The following MYO16 variants were observed in gnomAD, a reference collection of about 807,000 sequenced individuals.
The protein encoded by MYO16 is unconventional myosin-XVI.
Under a neutral mutation model 205.3 loss-of-function variants are expected in MYO16, and 94 were observed. The observed-to-expected ratio is 0.46, with a 90% CI of 0.39 to 0.54. MYO16 has a LOEUF of 0.54. Ranked by LOEUF, MYO16 falls within the 20% of genes least tolerant of loss-of-function variation. The probability of loss-of-function intolerance (pLI) is 0.00; values close to 1 mark genes in which losing one functional copy is unlikely to be tolerated. For missense variants in MYO16, 2,315 were observed against 2,387.5 expected (o/e 0.97, Z 0.63); for synonymous variants, 988 against 954.0 (o/e 1.04, Z -0.66).
At chr13:108,993,269 C>T (rs1264717315) in intron 21 of MYO16, among the ~76,000 whole-genome samples, 3 of 152,090 alleles carry the variant, frequency 2.0e-5, no homozygotes, top group East Asian at 1.9e-4. Context: ...CTTTTAGTAG[C>T]GTCGATTTCT....
rs201462429 is a variant in MYO16 at position 108,699,129 on chromosome 13, CATAT to C, written c.293-13526_293-13523del. ...ATATATATGTGTGTGTGTATATACA[CATAT>C]ATATAGTTATTACATATATGCATAT... On this transcript the variant is annotated intron_variant, in intron 2 of 34. Coordinates refer to ENST00000457511, the MANE Select transcript of MYO16 (RefSeq NM_001198950.3). 9.7e-4 allele frequency among the ~76,000 whole-genome samples: 147 copies of C among 150,776 alleles called. 2 individuals are homozygous for C. The East Asian group carries it at 0.022, about 23-fold the overall frequency.
chr13:108,824,285 G>A (rs1382605281), intron 9 of MYO16, among the ~76,000 whole-genome samples: 1 of 152,038 alleles, frequency 6.6e-6, no homozygotes, highest in Non-Finnish European at 1.5e-5. Flanking sequence ...TGCATTAAAA[G>A]ATGTAAGACA....
intron 2 of MYO16, among the ~76,000 whole-genome samples, chr13:108,709,276 A>G (rs1301635645): frequency 6.6e-6 from 1 of 152,224 alleles, no homozygotes; most frequent in African/African-American, 2.4e-5. Context: ...TTTTGGATAA[A>G]GTATTTTAAC....
At chr13:108,710,601 T>C (rs1383923231) in intron 2 of MYO16, among the ~76,000 whole-genome samples, 2 of 152,212 alleles carry the variant, frequency 1.3e-5, no homozygotes, top group Admixed American at 1.3e-4. Flanking sequence ...CAAACCCCCA[T>C]GAAATGAGTA....
the MYO16 span, among the ~76,000 whole-genome samples, chr13:108,548,286 TG>T: frequency 8.0e-5 from 12 of 149,742 alleles, no homozygotes; most frequent in Non-Finnish European, 1.5e-5. Context: ...ATGATGCTGG[TG>T]GTGGTTAGGA....
At chr13:108,640,944 T>C (rs1340890259) in intron 1 of MYO16, among the ~76,000 whole-genome samples, 1 of 152,210 alleles carries the variant, frequency 6.6e-6, no homozygotes, top group East Asian at 1.9e-4. Context: ...GGCAGTACTA[T>C]GAAAACCTGT....
chr13:108,742,200 G>A (rs1032314744), intron 4 of MYO16, among the ~76,000 whole-genome samples: 2 of 151,880 alleles, frequency 1.3e-5, no homozygotes, highest in South Asian at 4.1e-4. Flanking sequence ...CACCATGTTG[G>A]CCAGGCTGGT....
intron 16 of MYO16, among the ~76,000 whole-genome samples, chr13:108,936,688 C>T (rs913807732): frequency 6.6e-6 from 1 of 152,040 alleles, no homozygotes; most frequent in African/African-American, 2.4e-5. Context: ...GTAGATCTTT[C>T]TCCCACCCTT....
chr13:108,611,065 C>T (rs1241802371), intron 1 of MYO16, among the ~76,000 whole-genome samples: 1 of 152,146 alleles, frequency 6.6e-6, no homozygotes, highest in Non-Finnish European at 1.5e-5. Flanking sequence ...TTAGGTATCA[C>T]ATATATCATT....
chr13:109,080,229 T>A (rs1044260835), intron 27 of MYO16, among the ~76,000 whole-genome samples: 1 of 152,192 alleles, frequency 6.6e-6, no homozygotes, highest in African/African-American at 2.4e-5. Flanking sequence ...TATTTTTCTA[T>A]ATGGATAGCT....
chr13:108,882,144 A>G (rs551994288), intron 12 of MYO16, among the ~76,000 whole-genome samples: 84 of 152,330 alleles, frequency 5.5e-4, no homozygotes, highest in Non-Finnish European at 9.1e-4. Flanking sequence ...TGGTCCCATC[A>G]ACCTTAAATA....
At chr13:108,818,883 T>C (rs1013315698) in intron 7 of MYO16, among the ~76,000 whole-genome samples, 5 of 152,200 alleles carry the variant, frequency 3.3e-5, no homozygotes, top group African/African-American at 1.2e-4. Flanking sequence ...TGCTCCATTT[T>C]CAAAGCAATG....
chr13:108,879,976 A>C (rs888830193), intron 12 of MYO16, among the ~76,000 whole-genome samples: 160 of 152,280 alleles, frequency 1.1e-3, no homozygotes, highest in African/African-American at 3.2e-3. Context: ...ACAGTCCCAC[A>C]AACAGTGTAA....
the MYO16 span, among the ~76,000 whole-genome samples, chr13:108,524,142 CA>C: frequency 0.89 from 135,681 of 151,736 alleles, 60,886 homozygotes; most frequent in African/African-American, 0.95. Context: ...ACTAAAAATA[CA>C]AAAAAAATTA....
At chr13:108,904,899 T>C (rs1347802098) in intron 15 of MYO16, among the ~76,000 whole-genome samples, 2 of 152,340 alleles carry the variant, frequency 1.3e-5, no homozygotes, top group East Asian at 3.9e-4. Context: ...TCATTCACTT[T>C]AGAGTGTACG....
intron 16 of MYO16, among the ~76,000 whole-genome samples, chr13:108,922,509 A>G (rs867703954): frequency 9.2e-5 from 14 of 152,336 alleles, no homozygotes; most frequent in South Asian, 8.3e-4. Context: ...TTTCTGTACC[A>G]GCTAGAGGAG....
chr13:109,161,229 C>G (rs149462335), intron 32 of MYO16, among the ~76,000 whole-genome samples: 1 of 152,360 alleles, frequency 6.6e-6, no homozygotes, highest in East Asian at 1.9e-4. Flanking sequence ...GTTTTCAGTT[C>G]ATTACCACTG....
At chr13:108,592,820 C>T (rs1170356479), upstream of MYO16, among the ~76,000 whole-genome samples, 1 of 151,538 alleles carries the variant, frequency 6.6e-6, no homozygotes, top group African/African-American at 2.4e-5. Flanking sequence ...GGGCCATTCT[C>T]AACAGTACAT....
intron 27 of MYO16, among the ~76,000 whole-genome samples, chr13:109,075,508 G>C (rs1888069165): frequency 6.6e-6 from 1 of 151,892 alleles, no homozygotes; most frequent in African/African-American, 2.4e-5. Context: ...TCCCGCCTCA[G>C]CCTCCCAAGT....
Sources: gnomAD v4.1 joint callset for allele counts (sites outside exome capture counted in the v4.1 genomes callset) on GRCh38, gnomAD v4.1.1 for gene constraint, MANE v1.5 for transcripts, NCBI Gene and HGNC (gene_info 2026-07-23, HGNC 2026-07-21) for gene names.